PRDM1: variants seen among roughly 807,000 people sequenced by gnomAD.
The protein encoded by PRDM1 is PR/SET domain 1.
A neutral mutation model predicts 62.8 loss-of-function variants in PRDM1; 13 were observed. That is an observed-to-expected ratio of 0.21 (90% confidence interval 0.13 to 0.33). The LOEUF (loss-of-function observed/expected upper bound fraction) is 0.33, where lower values mean the gene tolerates loss of function less well. Among genes scored for constraint, PRDM1 ranks in the 10% least tolerant of loss-of-function variants. The probability of loss-of-function intolerance (pLI) is 1.00; values close to 1 mark genes in which losing one functional copy is unlikely to be tolerated. For missense variants in PRDM1, 895 were observed against 1,058.8 expected, an observed-to-expected ratio of 0.85 and a Z score of 2.15; for synonymous variants, 396 against 417.6, an observed-to-expected ratio of 0.95 and a Z score of 0.63.
At position 106,086,465 on chromosome 6, in the gene PRDM1, ACCG is replaced by A; in HGVS notation, c.-85_-83del. On this transcript the variant is annotated 5_prime_UTR_variant, in exon 1 of 7. Transcript: ENST00000369096. ...GGGCGGCCGGACGAAGCGAGGAGGGACCGCCGAGGTGCGCGTCTGTGCGGCTCA... is the reference window on the plus strand; with the variant it reads ...GGGCGGCCGGACGAAGCGAGGAGGGACCGAGGTGCGCGTCTGTGCGGCTCA... The A allele has an allele frequency of 7.5e-7, 1 of 1,335,042 alleles. No individual in the cohort carries two copies. The highest frequency in any genetic ancestry group is 1.3e-5 in the South Asian group (1 of 76,174). The allele number at this position is 1,335,042 out of a possible 1,614,324, so 82.7% of individuals were successfully genotyped here. A position where few individuals can be genotyped will look rare whatever the true frequency, so the allele number is the denominator to read the frequency against.
At chr6:106,066,756 A>G (rs976562969) in intron 1 of PRDM1, among the ~76,000 whole-genome samples, 1 of 152,204 alleles carries the variant, frequency 6.6e-6, no homozygotes, top group South Asian at 2.1e-4. Flanking sequence ...TCCTGTGGGT[A>G]TACATATATA....
chr6:106,091,892 C>T (rs1353168266), intron 2 of PRDM1, among the ~76,000 whole-genome samples: 1 of 152,146 alleles, frequency 6.6e-6, no homozygotes, highest in Non-Finnish European at 1.5e-5. Context: ...AGGTCTTGGT[C>T]ACTACTGAGT....
At chr6:106,097,436 G>A (rs1774141934) in intron 3 of PRDM1, among the ~76,000 whole-genome samples, 1 of 152,210 alleles carries the variant, frequency 6.6e-6, no homozygotes, top group African/African-American at 2.4e-5. Flanking sequence ...CACATGCAAA[G>A]GATATTGTAG....
chr6:106,032,431 C>T (rs1182124825), intron 1 of PRDM1, among the ~76,000 whole-genome samples: 5 of 151,634 alleles, frequency 3.3e-5, no homozygotes, highest in Non-Finnish European at 1.5e-5. Flanking sequence ...TCCCAAAGTA[C>T]AATACCGTAT....
rs1393869375 is a variant in PRDM1, at chr6:105,998,913, ATATATATATATATATATATAT to A, written c.-67+5276_-67+5296del. 7.9e-4 allele frequency among the ~76,000 whole-genome samples: 11 copies of A among 13,854 alleles called. No homozygotes were observed. The East Asian group carries it at 9.4e-3, about 12-fold the overall frequency. 9.1% of individuals were successfully genotyped at this position (13,854 alleles called of 152,430 possible). ...TACATATATATATATATATATATAT[ATATATATATATATATATATAT>A]TTTTTTTTTTTTTTTTCTTTTGAGA... On this transcript the variant is annotated intron_variant, in intron 1 of 6. Transcript: ENST00000652320.
rs2114614170 is a variant in PRDM1, at chr6:106,086,486, G to T, written c.-68G>T. ...AGGGACCGCCGAGGTGCGCGTCTGT[G>T]CGGCTCAGCCTGGCGGGGGACGCGG... On this transcript the variant is annotated 5_prime_UTR_variant, in exon 1 of 7. Transcript: ENST00000369096. The T allele has an allele frequency of 6.8e-7, 1 of 1,480,632 alleles. No individual in the cohort carries two copies. Among genetic ancestry groups the T allele is most frequent in the East Asian group, 2.5e-5 (1 of 40,426 alleles). 91.7% of individuals were successfully genotyped at this position (1,480,632 alleles called of 1,614,324 possible).
chr6:106,088,162 G>T, intron 1 of PRDM1, 39 bp from the exon 2 acceptor site: 1 of 1,548,596 alleles, frequency 6.5e-7, no homozygotes, highest in East Asian at 2.4e-5. Context: ...CAGGAACGGC[G>T]GGACAATGGG....
chr6:106,094,333 G>C (rs1224213050), intron 2 of PRDM1, among the ~76,000 whole-genome samples: 1 of 152,192 alleles, frequency 6.6e-6, no homozygotes, highest in Non-Finnish European at 1.5e-5. Flanking sequence ...CTAGGAAAGT[G>C]AGAGAATAAA....
intron 1 of PRDM1, among the ~76,000 whole-genome samples, chr6:106,002,799 G>A (rs1772441927): frequency 6.6e-6 from 1 of 152,088 alleles, no homozygotes; most frequent in South Asian, 2.1e-4. Context: ...AGAGAGTGTG[G>A]TTGCTCGTTC....
upstream of PRDM1, among the ~76,000 whole-genome samples, chr6:106,084,969 T>C (rs770296139): frequency 4.6e-5 from 7 of 152,178 alleles, no homozygotes; most frequent in Non-Finnish European, 1.0e-4. Context: ...CACCATTTCC[T>C]GGCAAATAAT....
upstream of PRDM1, among the ~76,000 whole-genome samples, chr6:106,083,604 T>C (rs1325375059): frequency 6.6e-6 from 1 of 152,220 alleles, no homozygotes; most frequent in Non-Finnish European, 1.5e-5. Context: ...ACTGTTGTGA[T>C]GATGCCATCC....
At chr6:106,017,494 C>T (rs911919199) in intron 1 of PRDM1, among the ~76,000 whole-genome samples, 1 of 152,128 alleles carries the variant, frequency 6.6e-6, no homozygotes, top group Non-Finnish European at 1.5e-5. Context: ...GGGTGACCTG[C>T]GCACCTCCAC....
chr6:106,071,135 G>T (rs1465273479), intron 1 of PRDM1, among the ~76,000 whole-genome samples: 2 of 152,086 alleles, frequency 1.3e-5, no homozygotes, highest in East Asian at 1.9e-4. Flanking sequence ...AGCCAGGCGT[G>T]GTGGTGGGCA....
At chr6:106,102,857 T>C in intron 4 of PRDM1, among the ~76,000 whole-genome samples, 1 of 152,228 alleles carries the variant, frequency 6.6e-6, no homozygotes, top group South Asian at 2.1e-4. Context: ...TAAAAATCAT[T>C]ATGAATTTGA....
chr6:106,069,337 T>TAA (rs200997941), intron 1 of PRDM1, among the ~76,000 whole-genome samples: 1 of 148,820 alleles, frequency 6.7e-6, no homozygotes, highest in Non-Finnish European at 1.5e-5. Flanking sequence ...CACAGAGCTT[T>TAA]AAAAAAAAAA....
chr6:106,046,267 G>C (rs574491647), upstream of PRDM1: 1 of 152,324 alleles, frequency 6.6e-6, no homozygotes, highest in African/African-American at 2.4e-5. Flanking sequence ...TGGGGGGAGG[G>C]GAGGCAGCTG....
intron 3 of PRDM1, chr6:106,098,925 A>C: frequency 6.6e-7 from 1 of 1,515,950 alleles, no homozygotes; most frequent in Non-Finnish European, 8.8e-7. Context: ...AAGTCAGCAT[A>C]ATCGGAACTG....
upstream of PRDM1, chr6:106,046,259 G>T (rs554330576): frequency 6.6e-6 from 1 of 152,394 alleles, no homozygotes; most frequent in South Asian, 2.1e-4. Context: ...GGGGCTCCTG[G>T]GGGGAGGGGA....
chr6:106,094,913 ACACACAC>A (rs1562167866), intron 2 of PRDM1, among the ~76,000 whole-genome samples: 1 of 128,420 alleles, frequency 7.8e-6, no homozygotes, highest in African/African-American at 2.6e-5. Context: ...TAAAACACAC[ACACACAC>A]ACACACACAC....
Sources: gnomAD v4.1 joint callset for allele counts (sites outside exome capture counted in the v4.1 genomes callset) on GRCh38, gnomAD v4.1.1 for gene constraint, MANE v1.5 for transcripts, NCBI Gene and HGNC (gene_info 2026-07-23, HGNC 2026-07-21) for gene names.